The following RPS6KC1 variants were observed in gnomAD, a reference collection of about 807,000 sequenced individuals.
RPS6KC1 encodes the protein ribosomal protein S6 kinase C1.
Under a neutral mutation model 103.8 loss-of-function variants are expected in RPS6KC1, and 54 were observed. That is an observed-to-expected ratio of 0.52 (90% CI 0.42 to 0.65). The LOEUF is 0.65. Ranked by LOEUF, RPS6KC1 falls within the 30% of genes least tolerant of loss-of-function variation. The pLI, the probability that RPS6KC1 is intolerant of heterozygous loss-of-function variation, is 0.00. For synonymous variants in RPS6KC1, 439 were observed against 438.7 expected (o/e 1.00, Z -0.01); for missense variants, 1,151 against 1,253.8 (o/e 0.92, Z 1.24).
At chr1:213,702,122 C>T in the RPS6KC1 span, among the ~76,000 whole-genome samples, 1 of 151,784 alleles carries the variant, frequency 6.6e-6, no homozygotes, top group African/African-American at 2.4e-5. Context: ...TTTCCATTAT[C>T]ATCTGTTTCA....
the RPS6KC1 span, among the ~76,000 whole-genome samples, chr1:213,382,433 T>C: frequency 6.6e-6 from 1 of 152,170 alleles, no homozygotes; most frequent in Admixed American, 6.5e-5. Flanking sequence ...TCTGTTGAGT[T>C]TGGTCTTTTC....
chr1:213,791,372 G>A, the RPS6KC1 span, among the ~76,000 whole-genome samples: 4 of 152,028 alleles, frequency 2.6e-5, no homozygotes, highest in South Asian at 2.1e-4. Flanking sequence ...TAACAAACTC[G>A]TTGTATTCCA....
At chr1:213,610,921 C>T in the RPS6KC1 span, among the ~76,000 whole-genome samples, 1 of 152,200 alleles carries the variant, frequency 6.6e-6, no homozygotes, top group Non-Finnish European at 1.5e-5. Context: ...TTGCTGGATA[C>T]ATAGACTCAA....
chr1:213,298,640 G>A, the RPS6KC1 span, among the ~76,000 whole-genome samples: 1 of 151,192 alleles, frequency 6.6e-6, no homozygotes, highest in Non-Finnish European at 1.5e-5. Context: ...TTATTTCTTG[G>A]AAATTTCTTT....
At chr1:213,666,483 A>G in the RPS6KC1 span, among the ~76,000 whole-genome samples, 1 of 152,232 alleles carries the variant, frequency 6.6e-6, no homozygotes, top group African/African-American at 2.4e-5. Flanking sequence ...AAAAGCTCTA[A>G]CAGTGGAATT....
At chr1:213,320,265 G>C in the RPS6KC1 span, among the ~76,000 whole-genome samples, 2 of 152,216 alleles carry the variant, frequency 1.3e-5, no homozygotes, top group Non-Finnish European at 1.5e-5. Context: ...TTAGGAGAGT[G>C]ATTCAGTCAG....
At position 213,162,457 on chromosome 1, in the gene RPS6KC1, A is replaced by T. The variant is rs138904540; in HGVS notation, c.836-5401A>T. Among the ~76,000 whole-genome samples the T allele has an allele frequency of 7.3e-3, 1,106 of 152,060 alleles. 13 individuals are homozygous for T. Among genetic ancestry groups the T allele is most frequent in the African/African-American group, 0.025 (1,040 of 41,478 alleles). On this transcript the variant is annotated intron_variant, in intron 6 of 14. Coordinates refer to ENST00000366960, the MANE Select transcript of RPS6KC1 (RefSeq NM_012424.6). ...CACCAGGCCTGGCGAATTAAAAAAA[A>T]TTTTTTGTAAAGATGGGGTCCCACT...
At chr1:213,345,873 T>C in the RPS6KC1 span, among the ~76,000 whole-genome samples, 1 of 152,236 alleles carries the variant, frequency 6.6e-6, no homozygotes, top group African/African-American at 2.4e-5. Flanking sequence ...CTGGTCTTTC[T>C]TCTGCACTTC....
the RPS6KC1 span, among the ~76,000 whole-genome samples, chr1:213,697,553 C>T: frequency 1.3e-5 from 2 of 152,320 alleles, no homozygotes; most frequent in Non-Finnish European, 2.9e-5. Context: ...CATTTGGCTC[C>T]TTCTCCAGCT....
chr1:213,480,275 T>C, the RPS6KC1 span, among the ~76,000 whole-genome samples: 1 of 152,070 alleles, frequency 6.6e-6, no homozygotes, highest in Non-Finnish European at 1.5e-5. Context: ...TTTATTTTTA[T>C]GTTCTTTAAT....
the RPS6KC1 span, among the ~76,000 whole-genome samples, chr1:213,532,183 G>A: frequency 6.6e-6 from 1 of 152,308 alleles, no homozygotes; most frequent in African/African-American, 2.4e-5. Flanking sequence ...AACCAACTTG[G>A]AGCGGGCACC....
intron 6 of RPS6KC1, among the ~76,000 whole-genome samples, chr1:213,144,420 T>A (rs2087470194): frequency 6.6e-6 from 1 of 151,928 alleles, no homozygotes; most frequent in Non-Finnish European, 1.5e-5. Flanking sequence ...GGATTATAGC[T>A]GTGAAAAAAT....
At chr1:213,062,715 C>T (rs999303519) in intron 1 of RPS6KC1, among the ~76,000 whole-genome samples, 1 of 152,076 alleles carries the variant, frequency 6.6e-6, no homozygotes, top group Non-Finnish European at 1.5e-5. Flanking sequence ...CCCCACCACA[C>T]CCAGCTAATT....
chr1:213,500,491 G>A, the RPS6KC1 span, among the ~76,000 whole-genome samples: 6 of 152,254 alleles, frequency 3.9e-5, no homozygotes, highest in East Asian at 1.2e-3. Context: ...AAAAAGAATA[G>A]GACAGTAAAT....
chr1:213,633,694 A>G, the RPS6KC1 span, among the ~76,000 whole-genome samples: 1 of 151,768 alleles, frequency 6.6e-6, no homozygotes. Flanking sequence ...TTCACACATA[A>G]CAATATTAAT....
chr1:213,242,476 C>A, intron 11 of RPS6KC1, 93 bp from the exon 12 acceptor site: 2 of 1,148,494 alleles, frequency 1.7e-6, no homozygotes, highest in South Asian at 1.3e-5. Context: ...CTTAATGATA[C>A]TGTTTTTAGC....
the RPS6KC1 span, among the ~76,000 whole-genome samples, chr1:213,807,307 C>T: frequency 2.0e-5 from 3 of 152,068 alleles, no homozygotes. Flanking sequence ...TCTGTATTTC[C>T]TGAATCTGCA....
At chr1:213,421,332 CTAACTCCTGACCTCA>C in the RPS6KC1 span, among the ~76,000 whole-genome samples, 2 of 152,170 alleles carry the variant, frequency 1.3e-5, no homozygotes, top group Non-Finnish European at 2.9e-5. Context: ...AGGCTGGTCT[CTAACTCCTGACCTCA>C]GGTGATCCAC....
At chr1:213,471,066 G>T in the RPS6KC1 span, among the ~76,000 whole-genome samples, 1 of 142,068 alleles carries the variant, frequency 7.0e-6, no homozygotes. Flanking sequence ...GGTGACCAGT[G>T]AGGAGGTAGC....
Sources: allele counts gnomAD v4.1 joint callset (sites outside exome capture counted in the v4.1 genomes callset), GRCh38; gene constraint gnomAD v4.1.1; transcripts MANE v1.5; gene names NCBI Gene and HGNC (gene_info 2026-07-23, HGNC 2026-07-21).